ZNF385B: variants seen among roughly 807,000 people sequenced by gnomAD.
ZNF385B encodes the protein zinc finger protein 533.
ZNF385B carries 23 observed loss-of-function variants against 39.2 expected under a neutral mutation model. The ratio of observed to expected loss-of-function variants is 0.59; its 90% confidence interval spans 0.42 to 0.83. The LOEUF is 0.83. ZNF385B is among the 40% of genes least tolerant of loss of function. The probability of loss-of-function intolerance (pLI) is 0.00; values close to 1 mark genes in which losing one functional copy is unlikely to be tolerated. For synonymous variants in ZNF385B, 205 were observed against 222.6 expected (o/e 0.92, Z 0.70); for missense variants, 552 against 598.9 (o/e 0.92, Z 0.82).
chr2:179,788,166 G>T (rs1366635689), intron 1 of ZNF385B, among the ~76,000 whole-genome samples: 1 of 151,992 alleles, frequency 6.6e-6, no homozygotes, highest in Admixed American at 6.6e-5. Flanking sequence ...TGGTCTGGAA[G>T]AATTGAAAAT....
In ZNF385B at chr2:179,555,810, T is replaced by A. The variant is rs1276699231; in HGVS notation, c.299-10841A>T. Among the ~76,000 whole-genome samples, 5 of 149,228 alleles carry A rather than the reference T, an allele frequency of 3.4e-5. No individual in the cohort carries two copies. The East Asian group carries it at 9.7e-4, about 29-fold the overall frequency. On this transcript the variant is annotated intron_variant, in intron 3 of 9. Coordinates refer to ENST00000410066, the MANE Select transcript of ZNF385B (RefSeq NM_152520.6). The stretch of plus-strand genomic sequence containing the variant: ...TATCTAGAACTCTGAGTCTATAAAA[T>A]CTAACAATTGGCAGTTACGTGCCTG...
intron 3 of ZNF385B, among the ~76,000 whole-genome samples, chr2:179,603,013 A>G (rs1175911651): frequency 6.6e-6 from 1 of 152,202 alleles, no homozygotes; most frequent in Admixed American, 6.5e-5. Flanking sequence ...TTTCAAACCA[A>G]TTTGAAATTA....
chr2:179,830,362 T>C (rs1707917633), intron 1 of ZNF385B, among the ~76,000 whole-genome samples: 1 of 152,216 alleles, frequency 6.6e-6, no homozygotes, highest in African/African-American at 2.4e-5. Context: ...GATCCATCAA[T>C]TGCACTCCTG....
intron 1 of ZNF385B, among the ~76,000 whole-genome samples, chr2:179,846,715 C>T (rs1160809245): frequency 6.6e-6 from 1 of 152,178 alleles, no homozygotes; most frequent in Non-Finnish European, 1.5e-5. Flanking sequence ...AATGTGCAAA[C>T]AAAACCCCTG....
intron 3 of ZNF385B, among the ~76,000 whole-genome samples, chr2:179,739,290 C>T (rs1487090914): frequency 6.6e-6 from 1 of 152,210 alleles, no homozygotes; most frequent in African/African-American, 2.4e-5. Context: ...ATATTTGCTG[C>T]TGGAGAGCTG....
In ZNF385B at chr2:179,779,393, C is replaced by A. The variant is rs190908644; in HGVS notation, c.-154-8721G>T. Among the ~76,000 whole-genome samples, 7 of 152,314 alleles carry A rather than the reference C, an allele frequency of 4.6e-5. No individual in the cohort carries two copies. The East Asian group carries it at 1.2e-3, about 25-fold the overall frequency. ...TGAGATGTGAAATAAAGCTGCAGAGCAGAGCAGGGCCTGGTTGGTCATGCA... is the reference window on the plus strand; with the variant it reads ...TGAGATGTGAAATAAAGCTGCAGAGAAGAGCAGGGCCTGGTTGGTCATGCA... On this transcript the variant is annotated intron_variant, in intron 1 of 9. Transcript: ENST00000410066.
chr2:179,582,974 T>G (rs1358937642), intron 3 of ZNF385B, among the ~76,000 whole-genome samples: 1 of 152,188 alleles, frequency 6.6e-6, no homozygotes, highest in Non-Finnish European at 1.5e-5. Flanking sequence ...CTCAGCCTGC[T>G]GATTATCTGG....
At chr2:179,480,501 G>A (rs2053873954) in intron 6 of ZNF385B, among the ~76,000 whole-genome samples, 1 of 152,142 alleles carries the variant, frequency 6.6e-6, no homozygotes, top group African/African-American at 2.4e-5. Context: ...AGCTGTGGGA[G>A]CTTTTCAAGA....
chr2:179,786,317 G>A (rs357706), intron 1 of ZNF385B, among the ~76,000 whole-genome samples: 148,992 of 152,234 alleles, frequency 0.98, 72,995 homozygotes, highest in Middle Eastern at 1. Flanking sequence ...AGGTATTGCT[G>A]TATTTTTAGA....
chr2:179,853,957 T>G (rs991502267), intron 1 of ZNF385B, among the ~76,000 whole-genome samples: 155 of 152,292 alleles, frequency 1.0e-3, no homozygotes, highest in African/African-American at 3.6e-3. Context: ...CAATAGTGCA[T>G]CACGTGCAGG....
At chr2:179,465,508 A>C in intron 6 of ZNF385B, among the ~76,000 whole-genome samples, 1 of 152,198 alleles carries the variant, frequency 6.6e-6, no homozygotes. Flanking sequence ...GGCCTTTCCA[A>C]GTAGTCCTCA....
intron 1 of ZNF385B, among the ~76,000 whole-genome samples, chr2:179,793,438 T>C (rs1705464305): frequency 6.6e-6 from 1 of 152,262 alleles, no homozygotes; most frequent in South Asian, 2.1e-4. Flanking sequence ...AGGAGAGACC[T>C]GGTGGGAGGT....
chr2:179,819,862 C>T (rs6738348), intron 1 of ZNF385B, among the ~76,000 whole-genome samples: 12,790 of 152,102 alleles, frequency 0.084, 606 homozygotes, highest in African/African-American at 0.11. Context: ...CTGTAGTATA[C>T]GATTGTATTA....
At chr2:179,851,174 G>T (rs2105441370) in intron 1 of ZNF385B, among the ~76,000 whole-genome samples, 1 of 152,368 alleles carries the variant, frequency 6.6e-6, no homozygotes, top group Middle Eastern at 3.4e-3. Context: ...GTTGAGGCCA[G>T]ACACAGTGGC....
intron 3 of ZNF385B, among the ~76,000 whole-genome samples, chr2:179,682,067 T>C (rs777539193): frequency 5.3e-5 from 8 of 152,224 alleles, no homozygotes; most frequent in Non-Finnish European, 1.0e-4. Flanking sequence ...AGGTCATATA[T>C]GCACACATGC....
intron 1 of ZNF385B, among the ~76,000 whole-genome samples, chr2:179,824,502 A>G (rs1707572353): frequency 1.3e-5 from 2 of 152,216 alleles, no homozygotes; most frequent in African/African-American, 4.8e-5. Flanking sequence ...TGCAATATGA[A>G]TAATGACATT....
At chr2:179,545,081 T>G (rs1380672050) in intron 3 of ZNF385B, 112 bp from the exon 4 acceptor site, 1 of 1,376,216 alleles carries the variant, frequency 7.3e-7, no homozygotes, top group Non-Finnish European at 1.0e-6. Flanking sequence ...GCAAGAGAGT[T>G]ATGCTGTAAG....
chr2:179,639,222 G>A (rs1692033937), intron 3 of ZNF385B, among the ~76,000 whole-genome samples: 1 of 15,836 alleles, frequency 6.3e-5, no homozygotes, highest in Admixed American at 1.3e-3. Flanking sequence ...GTGAGATCCT[G>A]CCTCAAAAAA....
At chr2:179,798,522 A>G (rs1168402073) in intron 1 of ZNF385B, among the ~76,000 whole-genome samples, 2 of 152,150 alleles carry the variant, frequency 1.3e-5, no homozygotes, top group Non-Finnish European at 2.9e-5. Flanking sequence ...ACTGATCTTC[A>G]TCTTTATCTT....
Sources: allele counts gnomAD v4.1 joint callset (sites outside exome capture counted in the v4.1 genomes callset), GRCh38; gene constraint gnomAD v4.1.1; transcripts MANE v1.5; gene names NCBI Gene and HGNC (gene_info 2026-07-23, HGNC 2026-07-21).